Variants in APP observed in about 807,000 individuals in gnomAD.
The protein encoded by APP is amyloid-beta precursor protein.
In APP, 31 loss-of-function variants were observed where a neutral mutation model predicts 101.4. That is an observed-to-expected ratio of 0.31 (90% CI 0.23 to 0.41). APP has a LOEUF of 0.41. Ranked by LOEUF, APP falls within the 10% of genes least tolerant of loss-of-function variation. APP has a pLI of 1.00. For synonymous variants in APP, 366 were observed against 364.4 expected, an observed-to-expected ratio of 1.00 and a Z score of -0.05; for missense variants, 839 against 1,003.7, an observed-to-expected ratio of 0.84 and a Z score of 2.22.
At chr21:26,152,269 A>G (rs1404980037) in intron 1 of APP, among the ~76,000 whole-genome samples, 1 of 129,518 alleles carries the variant, frequency 7.7e-6, no homozygotes, top group Non-Finnish European at 1.6e-5. Context: ...TGGGCGACAG[A>G]GCAAGACTCC....
At chr21:25,928,523 A>G (rs1433638224) in intron 13 of APP, among the ~76,000 whole-genome samples, 1 of 152,200 alleles carries the variant, frequency 6.6e-6, no homozygotes, top group African/African-American at 2.4e-5. Context: ...TATGTCTGCA[A>G]CTTCCTTTAA....
At chr21:25,960,302 T>C (rs1433821537) in intron 11 of APP, among the ~76,000 whole-genome samples, 1 of 152,158 alleles carries the variant, frequency 6.6e-6, no homozygotes, top group African/African-American at 2.4e-5. Flanking sequence ...ATTACTCTTA[T>C]CTTGTCTCCT....
intron 13 of APP, chr21:25,928,695 C>T (rs2040007271): frequency 6.6e-6 from 1 of 150,970 alleles, no homozygotes; most frequent in African/African-American, 2.4e-5. Context: ...TAATGTGATA[C>T]AAACTGCATG....
intron 13 of APP, among the ~76,000 whole-genome samples, chr21:25,933,531 G>A (rs2040236151): frequency 6.6e-6 from 1 of 152,162 alleles, no homozygotes; most frequent in East Asian, 1.9e-4. Context: ...ATCAAACTGT[G>A]TATTTGTATC....
intron 3 of APP, among the ~76,000 whole-genome samples, chr21:26,065,475 C>G (rs916625930): frequency 5.3e-5 from 8 of 151,974 alleles, no homozygotes; most frequent in African/African-American, 1.9e-4. Flanking sequence ...TTTAAAAATT[C>G]AAGAATTTCA....
At chr21:26,002,208 C>T (rs1035788471) in intron 6 of APP, among the ~76,000 whole-genome samples, 5 of 152,194 alleles carry the variant, frequency 3.3e-5, no homozygotes, top group Non-Finnish European at 5.9e-5. Flanking sequence ...CGTTGCATGG[C>T]GCATTTCTCC....
chr21:25,887,727 A>G (rs2037428554), intron 17 of APP, among the ~76,000 whole-genome samples: 1 of 152,242 alleles, frequency 6.6e-6, no homozygotes, highest in Admixed American at 6.5e-5. Context: ...GTGTGTTACA[A>G]CTGTCTATAG....
intron 16 of APP, among the ~76,000 whole-genome samples, chr21:25,894,495 A>G (rs1782975): frequency 1 from 151,962 of 152,292 alleles, 75,816 homozygotes; most frequent in Middle Eastern, 1. Context: ...TTTGGAAGAC[A>G]ATGATTCCAA....
At chr21:26,165,998 C>T (rs1285879906) in intron 1 of APP, among the ~76,000 whole-genome samples, 2 of 152,144 alleles carry the variant, frequency 1.3e-5, no homozygotes, top group South Asian at 4.1e-4. Context: ...AGAGGTACCA[C>T]TCAAGCATAA....
intron 3 of APP, among the ~76,000 whole-genome samples, chr21:26,075,587 A>G (rs943923363): frequency 3.3e-5 from 5 of 152,238 alleles, no homozygotes; most frequent in Admixed American, 6.5e-5. Flanking sequence ...ATAAAAAGCT[A>G]TATCCTGATG....
chr21:25,945,589 G>GCACACA, intron 13 of APP: 1 of 220,014 alleles, frequency 4.5e-6, no homozygotes, highest in Non-Finnish European at 9.3e-6. Flanking sequence ...GTAAGCACAG[G>GCACACA]CACACAGATC....
At chr21:26,098,294 T>G (rs745912064) in intron 2 of APP, among the ~76,000 whole-genome samples, 1 of 151,728 alleles carries the variant, frequency 6.6e-6, no homozygotes, top group Non-Finnish European at 1.5e-5. Flanking sequence ...GAATGTTTTG[T>G]TCCACATTTT....
intron 2 of APP, among the ~76,000 whole-genome samples, chr21:26,092,104 C>T (rs2061837843): frequency 6.6e-6 from 1 of 152,118 alleles, no homozygotes; most frequent in African/African-American, 2.4e-5. Context: ...GTCAATTGAG[C>T]GTGACTCAAT....
At chr21:26,094,095 A>T (rs1026676821) in intron 2 of APP, among the ~76,000 whole-genome samples, 1 of 150,982 alleles carries the variant, frequency 6.6e-6, no homozygotes, top group Non-Finnish European at 1.5e-5. Flanking sequence ...CAGCCTGGTG[A>T]CAGAGCGAGA....
intron 3 of APP, among the ~76,000 whole-genome samples, chr21:26,079,320 G>A (rs80156092): frequency 6.6e-6 from 1 of 152,120 alleles, no homozygotes; most frequent in East Asian, 1.9e-4. Flanking sequence ...AAAATTCCAC[G>A]ACAATAAACA....
At chr21:25,993,717 T>C (rs2042954507) in intron 8 of APP, among the ~76,000 whole-genome samples, 1 of 152,152 alleles carries the variant, frequency 6.6e-6, no homozygotes, top group African/African-American at 2.4e-5. Flanking sequence ...TATCTCTGAG[T>C]CAGATGTGGG....
rs1601559157 is a variant in APP at position 26,140,868 on chromosome 21, G to A, written c.58-28722C>T. ...ACTTCATAGGGTGGTTGGGCTAAAT[G>A]TTCTCAAGTTCTTTTCCAACGTTAA... is the stretch of plus-strand genomic sequence containing the variant. On this transcript the variant is annotated intron_variant, in intron 1 of 17. Transcript: ENST00000346798. Among the ~76,000 whole-genome samples, 3 of 152,332 alleles carry A rather than the reference G, an allele frequency of 2.0e-5. No homozygotes were observed. In the East Asian group the frequency reaches 5.8e-4, roughly 29 times the overall value.
chr21:25,992,359 G>A (rs896488226), intron 8 of APP, among the ~76,000 whole-genome samples: 7 of 150,656 alleles, frequency 4.6e-5, no homozygotes, highest in African/African-American at 1.7e-4. Flanking sequence ...CTGCACTCCA[G>A]CCTGGGCAAC....
At chr21:25,894,133 C>T (rs2037874904) in intron 16 of APP, among the ~76,000 whole-genome samples, 1 of 152,140 alleles carries the variant, frequency 6.6e-6, no homozygotes, top group Non-Finnish European at 1.5e-5. Flanking sequence ...TTGAGACCTA[C>T]TGCTCAGAAA....
Sources: allele counts gnomAD v4.1 joint callset (sites outside exome capture counted in the v4.1 genomes callset), GRCh38; gene constraint gnomAD v4.1.1; transcripts MANE v1.5; gene names NCBI Gene and HGNC (gene_info 2026-07-23, HGNC 2026-07-21).